KPNA2: variants seen among roughly 807,000 people sequenced by gnomAD.
The protein encoded by KPNA2 is karyopherin subunit alpha 2.
KPNA2 carries 20 observed loss-of-function variants against 53.7 expected under a neutral mutation model. That is an observed-to-expected ratio of 0.37 (90% CI 0.26 to 0.54). The LOEUF (loss-of-function observed/expected upper bound fraction) is 0.54, where lower values mean the gene tolerates loss of function less well. Among genes scored for constraint, KPNA2 ranks in the 20% least tolerant of loss-of-function variants. The probability of loss-of-function intolerance (pLI) is 0.83; values close to 1 mark genes in which losing one functional copy is unlikely to be tolerated. For synonymous variants in KPNA2, 238 were observed against 227.5 expected (o/e 1.05, Z -0.42); for missense variants, 515 against 640.3 (o/e 0.80, Z 2.11).
rs1555704939 is a variant in KPNA2, at chr17:68,043,339, AG to A, written c.908del (p.Gly303GlufsTer8). Reference sequence around the variant, plus strand: ...TTGTGCCCCAACTTGTGAAGCTTCTAGGAGCTTCTGAATTGCCAATTGTGGT... The same window carrying A: ...TTGTGCCCCAACTTGTGAAGCTTCTAGAGCTTCTGAATTGCCAATTGTGGT... ...GVVPQLVKLL[G>X]ASELPIVTPA... is the part of the protein sequence containing the mutation. On this transcript the variant is annotated frameshift_variant, in exon 7 of 11. Transcript: ENST00000330459. LOFTEE classifies it high-confidence loss of function. The A allele has an allele frequency of 6.2e-7, 1 of 1,614,156 alleles. No individual in the cohort carries two copies. Among genetic ancestry groups the A allele is most frequent in the Non-Finnish European group, 8.5e-7 (1 of 1,180,012 alleles).
At chr17:68,044,915 C>G (rs1390942629) in intron 9 of KPNA2, among the ~76,000 whole-genome samples, 1 of 151,918 alleles carries the variant, frequency 6.6e-6, no homozygotes, top group African/African-American at 2.4e-5. Context: ...GCCAACATGG[C>G]GAAACCCTGT....
rs782568693 is a variant in KPNA2, at chr17:68,045,806, G to A, written c.1382G>A (p.Ser461Asn). 7 of 1,595,506 alleles carry A rather than the reference G, an allele frequency of 4.4e-6. No individual in the cohort carries two copies. The highest frequency in any genetic ancestry group is 6.0e-6 in the Non-Finnish European group (7 of 1,173,538). The change falls in exon 10 of 11, where the codon AGT (serine) becomes AAT (asparagine). Residue 461 changes from serine (S) to asparagine (N), a missense_variant. By Grantham distance (46) the Ser-to-Asn change is conservative (BLOSUM62 1). Coordinates refer to ENST00000330459, the MANE Select transcript of KPNA2 (RefSeq NM_002266.4). ...AAACTAGGTGAAACTGAGAAACTTA[G>A]TATAATGATTGAAGAATGTGGAGGC... ...AEKLGETEKLSIMIEECGGLD... is the reference protein window; with the variant it reads ...AEKLGETEKLNIMIEECGGLD...
chr17:68,037,568 A>G, intron 3 of KPNA2, 73 bp downstream of exon 3: 2 of 1,417,392 alleles, frequency 1.4e-6, no homozygotes, highest in Non-Finnish European at 2.0e-6. Flanking sequence ...TAGAAATTCA[A>G]GTAAACTTAA....
chr17:68,044,103 T>G lies in KPNA2; in HGVS notation c.1164+32T>G, dbSNP rs782041142. 1.9e-6 allele frequency: 3 copies of G among 1,542,554 alleles called. No individual in the cohort carries two copies. In the East Asian group the frequency reaches 6.7e-5, roughly 35 times the overall value. Reference sequence around the variant, plus strand: ...AAGTCTTAGGATTTAATCAAGTCATTTTTAGTATTTATAGAAAGCTGTGCT... The same window carrying G: ...AAGTCTTAGGATTTAATCAAGTCATGTTTAGTATTTATAGAAAGCTGTGCT... On this transcript the variant is annotated intron_variant, in intron 8 of 10. Coordinates refer to ENST00000330459, the MANE Select transcript of KPNA2 (RefSeq NM_002266.4).
chr17:68,042,147 C>G lies in KPNA2; in HGVS notation c.365C>G (p.Pro122Arg), dbSNP rs782552934. The change falls in exon 5 of 11, where the codon CCG becomes CGG. Residue 122 changes from proline (P) to arginine (R), a missense_variant. Pro to Arg is a moderately radical substitution (Grantham distance 103). Transcript: ENST00000330459. Reference protein sequence around the residue: ...IDNIIRAGLIPKFVSFLGRTD... With the variant: ...IDNIIRAGLIRKFVSFLGRTD... Reference sequence around the variant, plus strand: ...AACATAATCCGGGCTGGTTTGATTCCGAAATTTGTGTCCTTCTTGGGCAGA... The same window carrying G: ...AACATAATCCGGGCTGGTTTGATTCGGAAATTTGTGTCCTTCTTGGGCAGA... 2.5e-6 allele frequency: 4 copies of G among 1,613,942 alleles called. No homozygotes were observed. Among genetic ancestry groups the G allele is most frequent in the Non-Finnish European group, 3.4e-6 (4 of 1,179,862 alleles).
Position 68,046,718 on chromosome 17 carries a change from A to G in KPNA2, c.*122A>G, listed in dbSNP as rs1568279014. On this transcript the variant is annotated 3_prime_UTR_variant, in exon 11 of 11. Coordinates refer to ENST00000330459, the MANE Select transcript of KPNA2 (RefSeq NM_002266.4). ...CTGTAGCACTTTTTACACTGAAACT[A>G]TACTTGAACAGTTCCAACTGTACAT... is the stretch of plus-strand genomic sequence containing the variant. The G allele has an allele frequency of 1.5e-6, 1 of 673,642 alleles. No individual in the cohort carries two copies. The highest frequency in any genetic ancestry group is 1.8e-5 in the South Asian group (1 of 55,086). The allele number at this position is 673,642 out of a possible 1,614,324, so 41.7% of individuals were successfully genotyped here.
intron 1 of KPNA2, among the ~76,000 whole-genome samples, chr17:68,036,832 TCC>T (rs1246819734): frequency 6.6e-6 from 1 of 152,242 alleles, no homozygotes; most frequent in Non-Finnish European, 1.5e-5. Flanking sequence ...GTTTCTTTTC[TCC>T]TTTTTAAAAA....
chr17:68,045,909 T>C lies in KPNA2; in HGVS notation c.1485T>C (p.Tyr495=), dbSNP rs782456104. The C allele has an allele frequency of 1.3e-6, 2 of 1,589,636 alleles. No homozygotes were observed. The highest frequency in any genetic ancestry group is 4.5e-5 in the East Asian group (2 of 44,680). The part of the protein sequence containing the change: ...YKASLSLIEK[Y]FSVEEEEDQN... ...CTTCGTTAAGCTTAATTGAGAAGTA[T>C]TTCTCTGTAGAGGTGAGTAATGGAT... The change falls in exon 10 of 11, where the codon TAT becomes TAC. Residue 495 remains tyrosine (Y), a synonymous_variant. Coordinates refer to ENST00000330459, the MANE Select transcript of KPNA2 (RefSeq NM_002266.4).
In KPNA2 at chr17:68,045,810, A is replaced by C. The variant is rs1555705339; in HGVS notation, c.1386A>C (p.Ile462=). 21 of 1,601,494 alleles carry C rather than the reference A, an allele frequency of 1.3e-5. No homozygotes were observed. Among genetic ancestry groups the C allele is most frequent in the Admixed American group, 1.7e-5 (1 of 58,000 alleles). The part of the protein sequence containing the change: ...EKLGETEKLS[I]MIEECGGLDK... ...TAGGTGAAACTGAGAAACTTAGTAT[A>C]ATGATTGAAGAATGTGGAGGCTTAG... Residue 462 remains isoleucine (I), a synonymous_variant, in exon 10 of 11, where the codon ATA becomes ATC. Transcript: ENST00000330459.
rs1284713761 is a variant in KPNA2, at chr17:68,042,866, A to G, written c.572-39A>G. 1.6e-5 allele frequency: 13 copies of G among 800,894 alleles called. No individual in the cohort carries two copies. In the African/African-American group the frequency reaches 2.0e-4, roughly 13 times the overall value. 49.6% of individuals were successfully genotyped at this position (800,894 alleles called of 1,614,324 possible). A position where few individuals can be genotyped will look rare whatever the true frequency, so the allele number is the denominator to read the frequency against. On this transcript the variant is annotated intron_variant, in intron 5 of 10. Transcript: ENST00000330459. ...GCGACAGAGAGAAACTCCGTCTCAA[A>G]AAAAAAAAAAAAAAAATTAATCTTG...
In KPNA2 at chr17:68,042,283, C is replaced by T. The variant is rs2071269547; in HGVS notation, c.501C>T (p.Phe167=). 1.2e-6 allele frequency: 2 copies of T among 1,613,912 alleles called. No individual in the cohort carries two copies. Among genetic ancestry groups the T allele is most frequent in the African/African-American group, 2.7e-5 (2 of 74,852 alleles). ...AVVDGGAIPA[F]ISLLASPHAH... is the part of the protein sequence containing the mutation. The stretch of plus-strand genomic sequence containing the variant: ...TAGATGGAGGTGCCATCCCAGCATT[C>T]ATTTCTCTGTTGGCATCTCCCCATG... Residue 167 remains phenylalanine, a synonymous_variant, in exon 5 of 11, where the codon TTC becomes TTT. Coordinates refer to ENST00000330459, the MANE Select transcript of KPNA2 (RefSeq NM_002266.4).
At chr17:68,041,557 CAAA>C (rs2071260231) in intron 4 of KPNA2, among the ~76,000 whole-genome samples, 2 of 151,898 alleles carry the variant, frequency 1.3e-5, no homozygotes, top group South Asian at 4.1e-4. Context: ...GACTCTGTCT[CAAA>C]AAATAAATAA....
intron 5 of KPNA2, 46 bp from the exon 6 acceptor site, chr17:68,042,859 G>A (rs782289403): frequency 1.6e-5 from 21 of 1,274,156 alleles, no homozygotes; most frequent in Middle Eastern, 2.7e-4. Flanking sequence ...GAGAAACTCC[G>A]TCTCAAAAAA....
In KPNA2 at chr17:68,043,139, C is replaced by T. The variant is rs2071282624; in HGVS notation, c.706C>T (p.Leu236Phe). ...LRNLTWTLSNLCRNKNPAPPI... is the reference protein window; with the variant it reads ...LRNLTWTLSNFCRNKNPAPPI... Reference sequence around the variant, plus strand: ...TAATCTTACCTGGACACTTTCTAATCTTTGCCGCAACAAGAATCCTGCACC... The same window carrying T: ...TAATCTTACCTGGACACTTTCTAATTTTTGCCGCAACAAGAATCCTGCACC... Residue 236 changes from leucine to phenylalanine, a missense_variant, in exon 7 of 11, where the codon CTT (leucine) becomes TTT (phenylalanine). By Grantham distance (22) the Leu-to-Phe change is conservative (BLOSUM62 0). Coordinates refer to ENST00000330459, the MANE Select transcript of KPNA2 (RefSeq NM_002266.4). 5.6e-6 allele frequency: 9 copies of T among 1,614,014 alleles called. No individual in the cohort carries two copies. Among genetic ancestry groups the T allele is most frequent in the Non-Finnish European group, 6.8e-6 (8 of 1,180,034 alleles).
intron 1 of KPNA2, 117 bp from the exon 2 acceptor site, chr17:68,036,993 C>A (rs8075764): frequency 0.24 from 174,164 of 728,550 alleles, 25,971 homozygotes; most frequent in East Asian, 0.68. Context: ...TGATGATCCC[C>A]CCTCTAGTAT....
rs1555705066 is a variant in KPNA2, at chr17:68,044,026, T to C, written c.1119T>C (p.Val373=). ...TAGRQDQIQQ[V]VNHGLVPFLV... ...GCCGCCAGGACCAGATACAGCAAGT[T>C]GTGAATCATGGATTAGTCCCATTCC... Residue 373 remains valine (V), a synonymous_variant, in exon 8 of 11, where the codon GTT becomes GTC. Transcript: ENST00000330459. 1.2e-6 allele frequency: 2 copies of C among 1,613,964 alleles called. No individual in the cohort carries two copies. Among genetic ancestry groups the C allele is most frequent in the Non-Finnish European group, 1.7e-6 (2 of 1,179,858 alleles).
At chr17:68,038,529 A>G (rs560927725) in intron 3 of KPNA2, among the ~76,000 whole-genome samples, 11 of 152,170 alleles carry the variant, frequency 7.2e-5, no homozygotes, top group African/African-American at 2.4e-4. Context: ...ATCCTTCTTT[A>G]TGCCATATAC....
At position 68,044,346 on chromosome 17, in the gene KPNA2, C is replaced by T; in HGVS notation, c.1190C>T (p.Ala397Val). 6.2e-7 allele frequency: 1 copy of T among 1,613,080 alleles called. No homozygotes were observed. The highest frequency in any genetic ancestry group is 2.2e-5 in the East Asian group (1 of 44,884). The change falls in exon 9 of 11, where the codon GCT (alanine) becomes GTT (valine). Residue 397 changes from alanine to valine, a missense_variant. Coordinates refer to ENST00000330459, the MANE Select transcript of KPNA2 (RefSeq NM_002266.4). ...SKADFKTQKE[A>V]VWAVTNYTSG... ...GCAGATTTTAAGACACAAAAGGAAG[C>T]TGTGTGGGCCGTGACCAACTATACC...
At chr17:68,039,599 G>A (rs1555704234) in intron 3 of KPNA2, among the ~76,000 whole-genome samples, 2 of 151,556 alleles carry the variant, frequency 1.3e-5, no homozygotes, top group African/African-American at 4.8e-5. Flanking sequence ...TGACCAACAT[G>A]GAGAAACTCC....
Sources: gnomAD v4.1 joint callset for allele counts (sites outside exome capture counted in the v4.1 genomes callset) on GRCh38, gnomAD v4.1.1 for gene constraint, MANE v1.5 for transcripts, NCBI Gene and HGNC (gene_info 2026-07-23, HGNC 2026-07-21) for gene names.